The following SYNE1 variants were observed in gnomAD, a reference collection of about 807,000 sequenced individuals.
The protein encoded by SYNE1 is nesprin-1.
SYNE1 carries 616 observed loss-of-function variants against 1,111.0 expected under a neutral mutation model. That is an observed-to-expected ratio of 0.55 (90% CI 0.52 to 0.59). The LOEUF (loss-of-function observed/expected upper bound fraction) is 0.59, where lower values mean the gene tolerates loss of function less well. Among genes scored for constraint, SYNE1 ranks in the 20% least tolerant of loss-of-function variants. The pLI, the probability that SYNE1 is intolerant of heterozygous loss-of-function variation, is 0.00. For missense variants in SYNE1, 10,006 were observed against 10,417.0 expected, an observed-to-expected ratio of 0.96 and a Z score of 1.72; for synonymous variants, 3,855 against 3,825.8, an observed-to-expected ratio of 1.01 and a Z score of -0.28.
chr6:152,356,708 T>A (rs1315626947), intron 66 of SYNE1, among the ~76,000 whole-genome samples: 1 of 152,138 alleles, frequency 6.6e-6, no homozygotes, highest in Non-Finnish European at 1.5e-5. Context: ...GGTTGCAGCA[T>A]CACAATTCTC....
intron 39 of SYNE1, among the ~76,000 whole-genome samples, chr6:152,424,845 A>G (rs1240914154): frequency 6.6e-6 from 1 of 152,222 alleles, no homozygotes; most frequent in Non-Finnish European, 1.5e-5. Context: ...CACATGGGTG[A>G]TCAATACCAA....
chr6:152,299,762 T>A (rs1037041197), intron 93 of SYNE1, among the ~76,000 whole-genome samples: 2 of 152,098 alleles, frequency 1.3e-5, no homozygotes, highest in Admixed American at 1.3e-4. Flanking sequence ...TGCTTTAAAA[T>A]AAAAGTAATA....
intron 130 of SYNE1, among the ~76,000 whole-genome samples, chr6:152,171,581 GA>G (rs1246394165): frequency 6.6e-6 from 1 of 152,166 alleles, no homozygotes; most frequent in African/African-American, 2.4e-5. Flanking sequence ...TGGAGAGAAG[GA>G]AAAACAGGAA....
chr6:152,175,810 ATC>A (rs2153126177), intron 130 of SYNE1, among the ~76,000 whole-genome samples: 2 of 152,194 alleles, frequency 1.3e-5, no homozygotes, highest in East Asian at 3.9e-4. Context: ...TTTGACTTTC[ATC>A]TCTCTTACCC....
intron 55 of SYNE1, among the ~76,000 whole-genome samples, chr6:152,385,141 T>G (rs2097504986): frequency 6.6e-6 from 1 of 152,120 alleles, no homozygotes; most frequent in Admixed American, 6.5e-5. Context: ...AACTAGAAAT[T>G]TACTAAAAGA....
intron 101 of SYNE1, among the ~76,000 whole-genome samples, chr6:152,261,504 C>G (rs993527667): frequency 2.6e-5 from 4 of 152,196 alleles, no homozygotes; most frequent in African/African-American, 9.7e-5. Flanking sequence ...CAGGAACCAG[C>G]CTTGCAGATG....
intron 106 of SYNE1, among the ~76,000 whole-genome samples, 163 bp downstream of exon 106, chr6:152,244,374 A>T (rs966898355): frequency 5.9e-5 from 9 of 152,228 alleles, no homozygotes; most frequent in Non-Finnish European, 8.8e-5. Context: ...CTTGTACTAA[A>T]CATGTTAAGC....
chr6:152,478,351 A>G (rs913434737), intron 14 of SYNE1, among the ~76,000 whole-genome samples: 1 of 152,226 alleles, frequency 6.6e-6, no homozygotes, highest in Non-Finnish European at 1.5e-5. Context: ...AAGACTTTTA[A>G]AGATGAGTTA....
chr6:152,423,453 C>T (rs2098300109), intron 39 of SYNE1, among the ~76,000 whole-genome samples: 1 of 152,210 alleles, frequency 6.6e-6, no homozygotes, highest in African/African-American at 2.4e-5. Flanking sequence ...TCCCCACCAA[C>T]ACACACTATA....
At chr6:152,379,638 G>A (rs2097363169) in intron 56 of SYNE1, among the ~76,000 whole-genome samples, 1 of 152,080 alleles carries the variant, frequency 6.6e-6, no homozygotes, top group Non-Finnish European at 1.5e-5. Context: ...AAGAAAACAT[G>A]AATATTGAGA....
Position 152,284,060 on chromosome 6 carries a change from G to A in SYNE1, c.18125C>T (p.Ala6042Val), listed in dbSNP as rs2094183750. 6.2e-7 allele frequency: 1 copy of A among 1,614,210 alleles called. No homozygotes were observed. The change falls in exon 96 of 146, where the codon GCC (alanine) becomes GTC (valine). Residue 6042 changes from alanine to valine, a missense_variant. By Grantham distance (64) the Ala-to-Val change is moderately conservative. This residue lies in a region of SYNE1 where 4,955 missense variants were observed against 5,017.2 expected (regional missense o/e 0.99). Transcript: ENST00000367255. ...SCEADPAEQL[A>V]LQSTLTVLAE... ...TAAGACAGTGAGCGTGGACTGCAAG[G>A]CCAGCTGCTCCGCAGGGTCGGCCTC...
At position 152,409,581 on chromosome 6, in the gene SYNE1, T is replaced by C; in HGVS notation, c.6359A>G (p.Asp2120Gly). The C allele has an allele frequency of 1.2e-6, 2 of 1,613,802 alleles. No homozygotes were observed. Among genetic ancestry groups the C allele is most frequent in the Non-Finnish European group, 1.7e-6 (2 of 1,179,958 alleles). Reference protein sequence around the residue: ...VTRTTIKDQEDLKWAFSKHET... With the variant: ...VTRTTIKDQEGLKWAFSKHET... ...TACCTTGGAAAAAGCCCATTTAAGA[T>C]CCTCCTGATCTTTTATGGTAGTTCT... Residue 2120 changes from aspartate to glycine, a missense_variant, in exon 43 of 146, where the codon GAT (aspartate) becomes GGT (glycine). Asp to Gly is a moderately conservative substitution (Grantham distance 94). Coordinates refer to ENST00000367255, the MANE Select transcript of SYNE1 (RefSeq NM_182961.4).
At chr6:152,455,200 A>G (rs1428577841) in intron 24 of SYNE1, among the ~76,000 whole-genome samples, 1 of 152,190 alleles carries the variant, frequency 6.6e-6, no homozygotes, top group Non-Finnish European at 1.5e-5. Flanking sequence ...ATGACTGTCT[A>G]CTATTCTGGG....
At chr6:152,272,734 A>T (rs2093303644) in intron 98 of SYNE1, among the ~76,000 whole-genome samples, 1 of 152,246 alleles carries the variant, frequency 6.6e-6, no homozygotes, top group Non-Finnish European at 1.5e-5. Context: ...CAGCTTCAGT[A>T]GCACTAAGTA....
chr6:152,629,273 G>A lies in SYNE1; in HGVS notation c.-223-719C>T, dbSNP rs576342684. Reference sequence around the variant, plus strand: ...GTCATCCAGGCTGGGGTACAGTGGCGTGATCTCAGCAAGCTCCACTTCCCG... The same window carrying A: ...GTCATCCAGGCTGGGGTACAGTGGCATGATCTCAGCAAGCTCCACTTCCCG... On this transcript the variant is annotated intron_variant, in intron 2 of 145. Transcript: ENST00000367255. Among the ~76,000 whole-genome samples, 7 of 151,780 alleles carry A rather than the reference G, an allele frequency of 4.6e-5. No homozygotes were observed. The East Asian group carries it at 9.7e-4, about 21-fold the overall frequency.
chr6:152,196,218 G>A (rs1476696542), intron 127 of SYNE1, among the ~76,000 whole-genome samples: 1 of 152,108 alleles, frequency 6.6e-6, no homozygotes, highest in South Asian at 2.1e-4. Flanking sequence ...AATGCCACCC[G>A]AGAGCCAAGT....
chr6:152,579,043 G>A (rs949880683), intron 3 of SYNE1, among the ~76,000 whole-genome samples: 1 of 152,056 alleles, frequency 6.6e-6, no homozygotes, highest in Non-Finnish European at 1.5e-5. Flanking sequence ...CACAAAATAG[G>A]CTCCATTGGT....
At position 152,155,160 on chromosome 6, in the gene SYNE1, C is replaced by T. The variant is rs147738155; in HGVS notation, c.23979-118G>A. ...CCACAGAGGCAACTGTTGTGCCAAA[C>T]GATAACCATTCCTCGAGCCAAATTT... On this transcript the variant is annotated intron_variant, in intron 132 of 145. Coordinates refer to ENST00000367255, the MANE Select transcript of SYNE1 (RefSeq NM_182961.4). 6,839 of 1,273,230 alleles carry T rather than the reference C, an allele frequency of 5.4e-3. 37 individuals are homozygous for T. Among genetic ancestry groups the T allele is most frequent in the Middle Eastern group, 9.3e-3 (48 of 5,152 alleles). The allele number at this position is 1,273,230 out of a possible 1,614,324, so 78.9% of individuals were successfully genotyped here. A position where few individuals can be genotyped will look rare whatever the true frequency, so the allele number is the denominator to read the frequency against.
intron 143 of SYNE1, among the ~76,000 whole-genome samples, 199 bp downstream of exon 143, chr6:152,133,077 A>T (rs376158784): frequency 2.7e-4 from 41 of 152,314 alleles, no homozygotes; most frequent in African/African-American, 8.4e-4. Context: ...GATTTAACAG[A>T]ATCAAAAGCA....
Sources: gnomAD v4.1 joint callset for allele counts (sites outside exome capture counted in the v4.1 genomes callset) on GRCh38, gnomAD v4.1.1 for gene constraint, gnomAD v4.1.1 regional missense constraint, MANE v1.5 for transcripts, NCBI Gene and HGNC (gene_info 2026-07-23, HGNC 2026-07-21) for gene names.